The following CMTM4 variants were observed in gnomAD, a reference collection of about 807,000 sequenced individuals.
CMTM4 encodes the protein CKLF like MARVEL transmembrane domain containing 4.
CMTM4 carries 8 observed loss-of-function variants against 19.0 expected under a neutral mutation model. The ratio of observed to expected loss-of-function variants is 0.42; its 90% CI spans 0.25 to 0.76. The LOEUF is 0.76. CMTM4 is among the 30% of genes least tolerant of loss of function. The pLI, the probability that CMTM4 is intolerant of heterozygous loss-of-function variation, is 0.27. For synonymous variants in CMTM4, 106 were observed against 121.1 expected, an observed-to-expected ratio of 0.88 and a Z score of 0.82; for missense variants, 228 against 290.2, an observed-to-expected ratio of 0.79 and a Z score of 1.56.
At chr16:66,626,312 A>C (rs2015737167) in intron 2 of CMTM4, among the ~76,000 whole-genome samples, 2 of 152,054 alleles carry the variant, frequency 1.3e-5, no homozygotes, top group Admixed American at 1.3e-4. Flanking sequence ...TCTACTAAAA[A>C]ATTAGCTGTG....
At chr16:66,630,896 G>A (rs1331769937) in intron 2 of CMTM4, among the ~76,000 whole-genome samples, 34 of 149,996 alleles carry the variant, frequency 2.3e-4, no homozygotes, top group African/African-American at 8.1e-4. Flanking sequence ...TGTGGGGAGC[G>A]CCTCTGCCCC....
chr16:66,686,140 C>G (rs1157347662), intron 1 of CMTM4, among the ~76,000 whole-genome samples: 1 of 151,972 alleles, frequency 6.6e-6, no homozygotes, highest in Non-Finnish European at 1.5e-5. Context: ...GTAGTCCCAG[C>G]TACTCGGGGA....
At chr16:66,680,092 T>C (rs1277774714) in intron 1 of CMTM4, among the ~76,000 whole-genome samples, 7 of 152,216 alleles carry the variant, frequency 4.6e-5, no homozygotes, top group Non-Finnish European at 7.3e-5. Context: ...ATCTGGCACA[T>C]AGCAATGCAC....
At position 66,636,554 on chromosome 16, in the gene CMTM4, T is replaced by G. The variant is rs139191138; in HGVS notation, c.214A>C (p.Ile72Leu). ...VILALIAFIC[I>L]ETIMACSPCE... ...GGGGAGCATGCCATGATGGTCTCTA[T>G]GCAGATGAATGCAATCAGGGCCAAG... The change falls in exon 2 of 4, where the codon ATA (isoleucine) becomes CTA (leucine). Residue 72 changes from isoleucine (I) to leucine (L), a missense_variant. By Grantham distance (5) the Ile-to-Leu change is conservative (BLOSUM62 2). Around this residue, in one of 3 missense-constraint regions of CMTM4, gnomAD observed 200 missense variants for 226.6 expected, o/e 0.88. Coordinates refer to ENST00000394106, the MANE Select transcript of CMTM4 (RefSeq NM_181521.3). 3.7e-6 allele frequency: 6 copies of G among 1,614,094 alleles called. No individual in the cohort carries two copies. The highest frequency in any genetic ancestry group is 5.1e-6 in the Non-Finnish European group (6 of 1,180,030).
At chr16:66,623,933 G>C (rs1355106933) in intron 2 of CMTM4, among the ~76,000 whole-genome samples, 2 of 152,120 alleles carry the variant, frequency 1.3e-5, no homozygotes, top group East Asian at 3.8e-4. Flanking sequence ...TTCACACAGA[G>C]AGCACACTTA....
the CMTM4 span, among the ~76,000 whole-genome samples, chr16:66,602,798 C>T: frequency 1.3e-5 from 2 of 152,116 alleles, no homozygotes; most frequent in African/African-American, 4.8e-5. Flanking sequence ...CTGCCTGCCT[C>T]AGCCTCCCAA....
At chr16:66,687,164 A>G (rs1171603489) in intron 1 of CMTM4, among the ~76,000 whole-genome samples, 2 of 150,382 alleles carry the variant, frequency 1.3e-5, no homozygotes, top group Non-Finnish European at 3.0e-5. Context: ...TTTTACAGAA[A>G]AGTGCATTTT....
intron 2 of CMTM4, among the ~76,000 whole-genome samples, chr16:66,631,328 G>A (rs547797478): frequency 7.4e-5 from 11 of 149,018 alleles, no homozygotes; most frequent in Non-Finnish European, 6.0e-5. Flanking sequence ...GCCCCCGCCC[G>A]GCCAGCCGCC....
chr16:66,659,856 T>C (rs2016469890), intron 1 of CMTM4, among the ~76,000 whole-genome samples: 2 of 152,220 alleles, frequency 1.3e-5, no homozygotes, highest in Non-Finnish European at 2.9e-5. Context: ...ATGTGGGCAC[T>C]TGTACTATTA....
At chr16:66,684,091 CT>C (rs2016990982) in intron 1 of CMTM4, among the ~76,000 whole-genome samples, 1 of 152,072 alleles carries the variant, frequency 6.6e-6, no homozygotes, top group South Asian at 2.1e-4. Context: ...CCTCATTCTG[CT>C]TAATGTAAGC....
intron 1 of CMTM4, among the ~76,000 whole-genome samples, chr16:66,674,450 G>A (rs1182215093): frequency 6.6e-6 from 1 of 152,092 alleles, no homozygotes; most frequent in African/African-American, 2.4e-5. Context: ...ACCCAGACAG[G>A]GACAACTACA....
In CMTM4 at chr16:66,668,406, C is replaced by T. The variant is rs538697694; in HGVS notation, c.186+27934G>A. ...CTGGTGTTTTGTAGAGTTGCTATGA[C>T]CACAGAACTTATGGATTGTTTTTGG... On this transcript the variant is annotated intron_variant, in intron 1 of 3. Transcript: ENST00000394106. Among the ~76,000 whole-genome samples the T allele has an allele frequency of 9.2e-5, 14 of 152,204 alleles. No individual in the cohort carries two copies. In the South Asian group the frequency reaches 1.0e-3, roughly 11 times the overall value.
intron 1 of CMTM4, among the ~76,000 whole-genome samples, chr16:66,666,057 G>T (rs1364752524): frequency 6.6e-6 from 1 of 151,556 alleles, no homozygotes; most frequent in Non-Finnish European, 1.5e-5. Flanking sequence ...GGGCGACAGA[G>T]TGAGACTCTG....
At chr16:66,604,975 C>T in the CMTM4 span, 1 of 1,472,246 alleles carries the variant, frequency 6.8e-7, no homozygotes, top group Non-Finnish European at 8.9e-7. Context: ...GGACCCTCGG[C>T]CGCCCCGCTA....
downstream of CMTM4, chr16:66,611,055 A>C (rs2015357863): frequency 5.0e-6 from 2 of 396,886 alleles, no homozygotes; most frequent in Admixed American, 4.4e-5. Context: ...ACGTCAGTGG[A>C]AACTTGGGTG....
At chr16:66,601,261 A>G in the CMTM4 span, among the ~76,000 whole-genome samples, 1 of 152,308 alleles carries the variant, frequency 6.6e-6, no homozygotes, top group African/African-American at 2.4e-5. Flanking sequence ...AGAATGAGGT[A>G]CACAGACAAG....
chr16:66,643,831 G>GC, intron 1 of CMTM4, among the ~76,000 whole-genome samples: 1 of 152,224 alleles, frequency 6.6e-6, no homozygotes, highest in East Asian at 1.9e-4. Flanking sequence ...TCGGCTCACC[G>GC]CAACCTCTGC....
intron 2 of CMTM4, among the ~76,000 whole-genome samples, chr16:66,626,756 T>A (rs1331344682): frequency 1.4e-5 from 2 of 145,742 alleles, no homozygotes; most frequent in Non-Finnish European, 3.0e-5. Flanking sequence ...AGAGACAGAA[T>A]GAGACTCCGT....
chr16:66,662,951 T>A (rs1041559090), intron 1 of CMTM4, among the ~76,000 whole-genome samples: 1 of 152,118 alleles, frequency 6.6e-6, no homozygotes, highest in African/African-American at 2.4e-5. Context: ...AGTAAAGACG[T>A]TGAGAATGAA....
Sources: gnomAD v4.1 joint callset for allele counts (sites outside exome capture counted in the v4.1 genomes callset) on GRCh38, gnomAD v4.1.1 for gene constraint, gnomAD v4.1.1 regional missense constraint, MANE v1.5 for transcripts, NCBI Gene and HGNC (gene_info 2026-07-23, HGNC 2026-07-21) for gene names.